The following TERF2 variants were observed in gnomAD, a reference collection of about 807,000 sequenced individuals.
TERF2 encodes the protein telomeric repeat binding factor 2, also known as telomeric repeat-binding factor 2.
A neutral mutation model predicts 56.1 loss-of-function variants in TERF2; 16 were observed. That is an observed-to-expected ratio of 0.29 (90% confidence interval 0.19 to 0.43). TERF2 has a LOEUF of 0.43. Ranked by LOEUF, TERF2 falls within the 20% of genes least tolerant of loss-of-function variation. TERF2 has a pLI of 1.00. For missense variants in TERF2, 547 were observed against 712.9 expected (o/e 0.77, Z 2.65); for synonymous variants, 296 against 282.1 (o/e 1.05, Z -0.50).
intron 8 of TERF2, among the ~76,000 whole-genome samples, chr16:69,359,627 ATTTTTTT>A (rs564611021): frequency 1.2e-4 from 9 of 72,574 alleles, no homozygotes; most frequent in Non-Finnish European, 2.1e-4. Context: ...ATCATTCCCA[ATTTTTTT>A]TTTTTTTTTT....
At chr16:69,384,143 G>A (rs1170563436) in intron 3 of TERF2, among the ~76,000 whole-genome samples, 3 of 152,098 alleles carry the variant, frequency 2.0e-5, no homozygotes, top group East Asian at 1.9e-4. Context: ...TAATCTATCT[G>A]TTCAAAAGGG....
At chr16:69,373,522 C>A (rs187106845) in intron 3 of TERF2, among the ~76,000 whole-genome samples, 147 of 152,256 alleles carry the variant, frequency 9.7e-4, no homozygotes, top group African/African-American at 2.9e-3. Context: ...AAAAAGACCA[C>A]CATACAAAAA....
Position 69,357,545 on chromosome 16 carries a change from G to A in TERF2, c.1443C>T (p.Asp481=), listed in dbSNP as rs2012950557. The A allele has an allele frequency of 6.2e-7, 1 of 1,613,464 alleles. No individual in the cohort carries two copies. The highest frequency in any genetic ancestry group is 8.5e-7 in the Non-Finnish European group (1 of 1,179,838). The change falls in exon 9 of 10, where the codon GAC becomes GAT. Residue 481 remains aspartate (D), a synonymous_variant. Coordinates refer to ENST00000254942, the MANE Select transcript of TERF2 (RefSeq NM_005652.5). ...LFQVQAAPDE[D]STTNITKKQK... Reference sequence around the variant, plus strand: ...GCTTTTTTGTTATATTGGTTGTACTGTCTTCATCTGGTGCTGCTGGAAAAC... The same window carrying A: ...GCTTTTTTGTTATATTGGTTGTACTATCTTCATCTGGTGCTGCTGGAAAAC...
In TERF2 at chr16:69,355,678, G is replaced by C. The variant is rs571099215; in HGVS notation, c.*1220C>G. 1 of 152,746 alleles carries C rather than the reference G, an allele frequency of 6.5e-6. No homozygotes were observed. The highest frequency in any genetic ancestry group is 2.1e-4 in the South Asian group (1 of 4,828). The allele number at this position is 152,746 out of a possible 1,614,324, so 9.5% of individuals were successfully genotyped here. Reference sequence around the variant, plus strand: ...CTTTACTGAAATTTTTTGCTAAAAAGACAGTCTTTAAGGGTGTCCGGGAGA... The same window carrying C: ...CTTTACTGAAATTTTTTGCTAAAAACACAGTCTTTAAGGGTGTCCGGGAGA... On this transcript the variant is annotated 3_prime_UTR_variant, in exon 10 of 10. Coordinates refer to ENST00000254942, the MANE Select transcript of TERF2 (RefSeq NM_005652.5).
intron 4 of TERF2, among the ~76,000 whole-genome samples, chr16:69,371,391 C>T (rs2013569195): frequency 6.6e-6 from 1 of 150,716 alleles, no homozygotes. Context: ...ACCCCAGCTA[C>T]TCCAGAGGCT....
intron 4 of TERF2, among the ~76,000 whole-genome samples, 182 bp from the exon 5 acceptor site, chr16:69,370,811 TGGG>T (rs1567449800): frequency 2.0e-5 from 3 of 152,116 alleles, no homozygotes; most frequent in Non-Finnish European, 4.4e-5. Flanking sequence ...TCAGCCACAG[TGGG>T]TTACTATGCA....
chr16:69,374,902 T>C (rs544832908), intron 3 of TERF2, among the ~76,000 whole-genome samples: 2 of 146,646 alleles, frequency 1.4e-5, no homozygotes, highest in Non-Finnish European at 1.5e-5. Context: ...CAGGCAGAGG[T>C]TGCAGTGAGC....
intron 1 of TERF2, 51 bp from the exon 2 acceptor site, chr16:69,385,537 T>TG: frequency 1.9e-6 from 3 of 1,595,854 alleles, no homozygotes; most frequent in Non-Finnish European, 2.6e-6. Context: ...CGACTCCCGG[T>TG]CCCCCGGACC....
rs752368065 is a variant in TERF2 at position 69,385,521 on chromosome 16, C to T, written c.380-35G>A. The T allele has an allele frequency of 2.0e-5, 32 of 1,612,910 alleles. 1 individual carries two copies. In the South Asian group the frequency reaches 3.5e-4, roughly 18 times the overall value. On this transcript the variant is annotated intron_variant, in intron 1 of 9. Transcript: ENST00000254942. The stretch of plus-strand genomic sequence containing the variant: ...AAGACATCGTTGGCTGGGCGACCCC[C>T]AGTCCCGACTCCCGGTCCCCCGGAC...
intron 6 of TERF2, among the ~76,000 whole-genome samples, 185 bp downstream of exon 6, chr16:69,368,191 C>G (rs917579219): frequency 3.9e-5 from 6 of 152,156 alleles, no homozygotes; most frequent in African/African-American, 1.4e-4. Context: ...TTGTCAGGGA[C>G]CCCAGGCATC....
Position 69,357,504 on chromosome 16 carries a change from G to C in TERF2, c.1470+14C>G. On this transcript the variant is annotated intron_variant, in intron 9 of 9. Coordinates refer to ENST00000254942, the MANE Select transcript of TERF2 (RefSeq NM_005652.5). ...CCCACATAACCAGTAACAGAAAAGA[G>C]AATTTTAAATTACCTGCTTTTTTGT... 2 of 1,610,176 alleles carry C rather than the reference G, an allele frequency of 1.2e-6. No individual in the cohort carries two copies. The highest frequency in any genetic ancestry group is 2.2e-5 in the South Asian group (2 of 90,606).
At chr16:69,357,459 C>T (rs1347309842) in intron 9 of TERF2, 59 bp downstream of exon 9, 6 of 1,446,740 alleles carry the variant, frequency 4.1e-6, no homozygotes, top group Non-Finnish European at 5.8e-6. Context: ...AGACAGGGCG[C>T]GTATTTTACC....
At chr16:69,377,159 T>C (rs1050875580) in intron 3 of TERF2, among the ~76,000 whole-genome samples, 10 of 148,196 alleles carry the variant, frequency 6.7e-5, no homozygotes, top group African/African-American at 2.5e-4. Context: ...GCTGAGATTG[T>C]GCCACTGCAC....
chr16:69,358,011 T>TTTTGTTTG (rs1038157671), intron 8 of TERF2, among the ~76,000 whole-genome samples: 1 of 145,856 alleles, frequency 6.9e-6, no homozygotes. Context: ...CCCGGCTAAT[T>TTTTGTTTG]TTTGTTTGTT....
At chr16:69,366,116 A>G (rs2013334525) in intron 7 of TERF2, 1 of 152,388 alleles carries the variant, frequency 6.6e-6, no homozygotes, top group South Asian at 2.1e-4. Flanking sequence ...CCTTTAAAGG[A>G]CAAATGGGAT....
At chr16:69,362,422 G>A (rs925158178) in intron 7 of TERF2, among the ~76,000 whole-genome samples, 6 of 152,230 alleles carry the variant, frequency 3.9e-5, no homozygotes, top group African/African-American at 4.8e-5. Flanking sequence ...CCTCGAAGGC[G>A]GGGGCCACAT....
At chr16:69,382,303 G>T (rs1223916762) in intron 3 of TERF2, among the ~76,000 whole-genome samples, 1 of 152,224 alleles carries the variant, frequency 6.6e-6, no homozygotes, top group South Asian at 2.1e-4. Flanking sequence ...CATGAGCAAG[G>T]CTCACTGAAC....
intron 3 of TERF2, among the ~76,000 whole-genome samples, chr16:69,374,977 CA>C (rs949368090): frequency 6.6e-6 from 1 of 152,014 alleles, no homozygotes; most frequent in Non-Finnish European, 1.5e-5. Flanking sequence ...AAAACAAGAA[CA>C]AAAAAGCCGT....
chr16:69,372,434 C>T, intron 3 of TERF2, 79 bp from the exon 4 acceptor site: 1 of 929,848 alleles, frequency 1.1e-6, no homozygotes, highest in Non-Finnish European at 1.6e-6. Flanking sequence ...AAATAACTCT[C>T]TCTCACATCA....
Sources: gnomAD v4.1 joint callset for allele counts (sites outside exome capture counted in the v4.1 genomes callset) on GRCh38, gnomAD v4.1.1 for gene constraint, MANE v1.5 for transcripts, NCBI Gene and HGNC (gene_info 2026-07-23, HGNC 2026-07-21) for gene names.